ZBTB20: variants seen among roughly 807,000 people sequenced by gnomAD.
The protein encoded by ZBTB20 is zinc finger and BTB domain-containing protein 20.
In ZBTB20, 9 loss-of-function variants were observed where a neutral mutation model predicts 56.9. The ratio of observed to expected loss-of-function variants is 0.16; its 90% CI spans 0.10 to 0.28. ZBTB20 has a LOEUF of 0.28. Among genes scored for constraint, ZBTB20 ranks in the 10% least tolerant of loss-of-function variants. The pLI is 1.00. For synonymous variants in ZBTB20, 417 were observed against 420.7 expected (o/e 0.99, Z 0.11); for missense variants, 655 against 1,003.0 (o/e 0.65, Z 4.69).
intron 2 of ZBTB20, among the ~76,000 whole-genome samples, chr3:115,003,259 GT>G (rs2079325582): frequency 6.6e-6 from 1 of 151,554 alleles, no homozygotes; most frequent in African/African-American, 2.4e-5. Context: ...TCCATTAAAT[GT>G]ACACCCAGTG....
intron 6 of ZBTB20, among the ~76,000 whole-genome samples, chr3:114,666,789 C>T (rs1169844118): frequency 6.6e-6 from 1 of 151,896 alleles, no homozygotes; most frequent in Non-Finnish European, 1.5e-5. Flanking sequence ...TAAAACTGTC[C>T]ATGAGGTTCC....
intron 7 of ZBTB20, among the ~76,000 whole-genome samples, chr3:114,392,899 G>A (rs1035544803): frequency 4.6e-5 from 7 of 152,164 alleles, no homozygotes; most frequent in African/African-American, 1.7e-4. Context: ...TGTTTACCTA[G>A]GTGAGGAAAA....
chr3:114,962,966 T>C (rs938121685), intron 3 of ZBTB20, among the ~76,000 whole-genome samples: 2 of 152,104 alleles, frequency 1.3e-5, no homozygotes, highest in African/African-American at 2.4e-5. Flanking sequence ...TACATTTCTA[T>C]AATTATTTAA....
intron 10 of ZBTB20, among the ~76,000 whole-genome samples, chr3:114,374,137 A>G (rs1047246778): frequency 7.2e-5 from 11 of 152,252 alleles, no homozygotes; most frequent in African/African-American, 2.7e-4. Flanking sequence ...GAGATTATAT[A>G]TCAATTAACT....
intron 2 of ZBTB20, among the ~76,000 whole-genome samples, chr3:114,996,440 G>A (rs778732684): frequency 1.5e-4 from 23 of 151,500 alleles, no homozygotes; most frequent in Non-Finnish European, 2.1e-4. Context: ...TCCCACTTAT[G>A]AGTGAGAACA....
chr3:115,125,002 G>A (rs1022155168), intron 1 of ZBTB20, among the ~76,000 whole-genome samples: 1 of 151,452 alleles, frequency 6.6e-6, no homozygotes, highest in East Asian at 1.9e-4. Context: ...AAACAAACCT[G>A]CACATGTACC....
At chr3:114,682,858 G>C (rs947843770) in intron 6 of ZBTB20, among the ~76,000 whole-genome samples, 3 of 152,148 alleles carry the variant, frequency 2.0e-5, no homozygotes, top group Admixed American at 1.3e-4. Context: ...TGGGAGATGG[G>C]ATATATATCT....
intron 5 of ZBTB20, among the ~76,000 whole-genome samples, chr3:114,797,526 T>G (rs1191432900): frequency 1.3e-5 from 2 of 151,942 alleles, no homozygotes; most frequent in African/African-American, 4.8e-5. Flanking sequence ...CATATAATGT[T>G]TTGTCTATAA....
intron 6 of ZBTB20, among the ~76,000 whole-genome samples, chr3:114,532,538 G>A (rs939996828): frequency 3.9e-5 from 6 of 152,192 alleles, no homozygotes; most frequent in Admixed American, 1.3e-4. Context: ...AGCACCTGGG[G>A]GAAGGGGCAG....
At chr3:114,852,938 G>C (rs943634301) in intron 4 of ZBTB20, among the ~76,000 whole-genome samples, 5 of 152,176 alleles carry the variant, frequency 3.3e-5, no homozygotes, top group African/African-American at 1.2e-4. Flanking sequence ...GATCTGCTTA[G>C]TGTTCTCAGT....
intron 4 of ZBTB20, among the ~76,000 whole-genome samples, chr3:114,839,459 G>GAAAGAAAGAAAGAAAGAA (rs1560306801): frequency 2.0e-5 from 3 of 151,042 alleles, no homozygotes; most frequent in Non-Finnish European, 4.4e-5. Flanking sequence ...AAGAAAGAAA[G>GAAAGAAAGAAAGAAAGAA]AAAGAAAGAG....
At chr3:114,517,509 C>G (rs1164635370) in intron 6 of ZBTB20, among the ~76,000 whole-genome samples, 2 of 151,778 alleles carry the variant, frequency 1.3e-5, no homozygotes, top group Admixed American at 1.3e-4. Flanking sequence ...AGTGTGCAGG[C>G]TTAAAGTGTT....
rs1393390766 is a variant in ZBTB20 at position 114,808,232 on chromosome 3, C to T, written c.-416-7058G>A. Among the ~76,000 whole-genome samples the T allele has an allele frequency of 3.3e-5, 5 of 152,066 alleles. No homozygotes were observed. The East Asian group carries it at 9.7e-4, about 29-fold the overall frequency. Reference sequence around the variant, plus strand: ...ATAGTCCATTTTATCCAGCTAATTGCTAACAATTGTCCAGTTGCTAACAAT... The same window carrying T: ...ATAGTCCATTTTATCCAGCTAATTGTTAACAATTGTCCAGTTGCTAACAAT... On this transcript the variant is annotated intron_variant, in intron 4 of 11. Coordinates refer to ENST00000675478, the MANE Select transcript of ZBTB20 (RefSeq NM_001348800.3).
At chr3:114,729,291 G>T (rs2065547413) in intron 5 of ZBTB20, among the ~76,000 whole-genome samples, 1 of 152,100 alleles carries the variant, frequency 6.6e-6, no homozygotes, top group Admixed American at 6.5e-5. Flanking sequence ...CAATACATAT[G>T]CATAGTAAAA....
chr3:114,739,722 A>T (rs2066439784), intron 5 of ZBTB20, among the ~76,000 whole-genome samples: 1 of 152,232 alleles, frequency 6.6e-6, no homozygotes, highest in South Asian at 2.1e-4. Context: ...ATTGAGTCAG[A>T]TGTAGGAACT....
intron 10 of ZBTB20, among the ~76,000 whole-genome samples, chr3:114,369,315 G>C (rs1399047814): frequency 6.6e-6 from 1 of 152,146 alleles, no homozygotes; most frequent in Non-Finnish European, 1.5e-5. Context: ...GCTAAAACTA[G>C]TGAGGATAAA....
chr3:114,580,476 C>T (rs1004617834), intron 6 of ZBTB20, among the ~76,000 whole-genome samples: 2 of 151,634 alleles, frequency 1.3e-5, no homozygotes, highest in African/African-American at 2.4e-5. Flanking sequence ...CCTATTCACA[C>T]TATACTGAGG....
At position 114,350,689 on chromosome 3, in the gene ZBTB20, G is replaced by A. The variant is rs770278746; in HGVS notation, c.1389C>T (p.Asn463=). The stretch of plus-strand genomic sequence containing the variant: ...TTGGCAATGGCTGCCCGATGGACGT[G>A]TTGACCGAAGGCTGTTGTAGGACGC... ...DKSVLQQPSV[N]TSIGQPLPST... The change falls in exon 11 of 12, where the codon AAC becomes AAT. Residue 463 remains asparagine, a synonymous_variant. Coordinates refer to ENST00000675478, the MANE Select transcript of ZBTB20 (RefSeq NM_001348800.3). 2.5e-6 allele frequency: 4 copies of A among 1,614,230 alleles called. No individual in the cohort carries two copies. The highest frequency in any genetic ancestry group is 3.4e-6 in the Non-Finnish European group (4 of 1,180,036).
chr3:114,830,634 A>G (rs1286004251), intron 4 of ZBTB20, among the ~76,000 whole-genome samples: 3 of 152,012 alleles, frequency 2.0e-5, no homozygotes, highest in Non-Finnish European at 2.9e-5. Flanking sequence ...GATTAGTACA[A>G]TTATCCCAAT....
Sources: gnomAD v4.1 joint callset for allele counts (sites outside exome capture counted in the v4.1 genomes callset) on GRCh38, gnomAD v4.1.1 for gene constraint, MANE v1.5 for transcripts, NCBI Gene and HGNC (gene_info 2026-07-23, HGNC 2026-07-21) for gene names.